Variants in IPPK observed in about 807,000 individuals in gnomAD.
IPPK encodes IPK1 homolog.
A neutral mutation model predicts 64.6 loss-of-function variants in IPPK; 22 were observed. The ratio of observed to expected loss-of-function variants is 0.34; its 90% CI spans 0.24 to 0.49. The LOEUF (loss-of-function observed/expected upper bound fraction) is 0.49, where lower values mean the gene tolerates loss of function less well. IPPK is among the 20% of genes least tolerant of loss of function. IPPK has a pLI of 0.99. For synonymous variants in IPPK, 262 were observed against 247.2 expected, an observed-to-expected ratio of 1.06 and a Z score of -0.56; for missense variants, 532 against 630.7, an observed-to-expected ratio of 0.84 and a Z score of 1.68.
chr9:92,615,614 A>G lies in IPPK; in HGVS notation c.*218T>C. 1 of 533,578 alleles carries G rather than the reference A, an allele frequency of 1.9e-6. No individual in the cohort carries two copies. The highest frequency in any genetic ancestry group is 2.1e-5 in the South Asian group (1 of 47,844). The allele number at this position is 533,578 out of a possible 1,614,324, so 33.1% of individuals were successfully genotyped here. A position where few individuals can be genotyped will look rare whatever the true frequency, so the allele number is the denominator to read the frequency against. Reference sequence around the variant, plus strand: ...CGGACACTTCCATTTTAAGAGTGTGAGCAGCTTCCTGGGACACAGCACTCA... The same window carrying G: ...CGGACACTTCCATTTTAAGAGTGTGGGCAGCTTCCTGGGACACAGCACTCA... On this transcript the variant is annotated 3_prime_UTR_variant, in exon 13 of 13. Transcript: ENST00000287996.
intron 1 of IPPK, among the ~76,000 whole-genome samples, chr9:92,665,689 T>A (rs1271832829): frequency 6.6e-6 from 1 of 152,244 alleles, no homozygotes; most frequent in Non-Finnish European, 1.5e-5. Flanking sequence ...AACCACATCA[T>A]GCATCTTCTT....
chr9:92,633,567 T>C (rs1403193731), intron 11 of IPPK, among the ~76,000 whole-genome samples: 1 of 151,884 alleles, frequency 6.6e-6, no homozygotes, highest in Non-Finnish European at 1.5e-5. Flanking sequence ...CGTCTCACTA[T>C]GTTGACCAGG....
chr9:92,619,514 C>G lies in IPPK; in HGVS notation c.1222G>C (p.Ala408Pro). The G allele has an allele frequency of 6.3e-7, 1 of 1,593,380 alleles. No individual in the cohort carries two copies. The highest frequency in any genetic ancestry group is 8.5e-7 in the Non-Finnish European group (1 of 1,170,390). ...MTAKDCSIMI[A>P]LSPCLQDASS... ...GCATCCTGCAGACAGGGAGACAGTG[C>G]AATCATGATGGAGCAGTCCTTGGCA... The change falls in exon 12 of 13, where the codon GCA (alanine) becomes CCA (proline). Residue 408 changes from alanine (A) to proline (P), a missense_variant. Physicochemically the swap from Ala to Pro is conservative, Grantham distance 27. Coordinates refer to ENST00000287996, the MANE Select transcript of IPPK (RefSeq NM_022755.6).
intron 6 of IPPK, among the ~76,000 whole-genome samples, chr9:92,644,581 T>C (rs1424248626): frequency 6.6e-6 from 1 of 152,194 alleles, no homozygotes; most frequent in Non-Finnish European, 1.5e-5. Context: ...CAGGAGGCCT[T>C]TTCCCCATGG....
chr9:92,618,065 T>C, intron 12 of IPPK: 2 of 355,596 alleles, frequency 5.6e-6, no homozygotes, highest in East Asian at 1.5e-4. Flanking sequence ...CCTTAGTTTG[T>C]CCCTAGGCCT....
Position 92,638,227 on chromosome 9 carries a change from CCA to C in IPPK, c.688_689del (p.Trp230GlufsTer70). On this transcript the variant is annotated frameshift_variant, in exon 9 of 13. Transcript: ENST00000287996. LOFTEE classifies it high-confidence loss of function. ...CKDARSPVAD[W>X]SELAHHLKPF... ...GCTTCAGGTGGTGTGCAAGCTCGCT[CCA>C]GTCAGCCACGGGGCTCCGGGCATCT... The C allele has an allele frequency of 6.2e-7, 1 of 1,614,236 alleles. No homozygotes were observed. Among genetic ancestry groups the C allele is most frequent in the Non-Finnish European group, 8.5e-7 (1 of 1,180,024 alleles).
chr9:92,668,124 T>G (rs544680406), intron 1 of IPPK, among the ~76,000 whole-genome samples: 31 of 150,990 alleles, frequency 2.1e-4, no homozygotes, highest in African/African-American at 6.8e-4. Context: ...AAAAATTAGC[T>G]GGGCACGGTA....
rs559544912 is a variant in IPPK at position 92,655,860 on chromosome 9, G to T, written c.225+596C>A. ...CAACACCCACAGCAGCTGCAGAAGGGTGGGACCCAGGGGCCTGTCCAGGTC... is the reference window on the plus strand; with the variant it reads ...CAACACCCACAGCAGCTGCAGAAGGTTGGGACCCAGGGGCCTGTCCAGGTC... On this transcript the variant is annotated intron_variant, in intron 3 of 12. Coordinates refer to ENST00000287996, the MANE Select transcript of IPPK (RefSeq NM_022755.6). Among the ~76,000 whole-genome samples, 4 of 152,332 alleles carry T rather than the reference G, an allele frequency of 2.6e-5. No homozygotes were observed. The South Asian group carries it at 8.3e-4, about 32-fold the overall frequency.
At chr9:92,660,176 G>A (rs1304702718) in intron 1 of IPPK, among the ~76,000 whole-genome samples, 1 of 152,192 alleles carries the variant, frequency 6.6e-6, no homozygotes, top group Non-Finnish European at 1.5e-5. Context: ...ATGATGGTGT[G>A]TGCTATTCGA....
chr9:92,631,314 G>A (rs1407434891), intron 11 of IPPK, among the ~76,000 whole-genome samples: 1 of 151,158 alleles, frequency 6.6e-6, no homozygotes, highest in Non-Finnish European at 1.5e-5. Context: ...TCCTGCCTCA[G>A]CCTCCCAAGT....
intron 10 of IPPK, among the ~76,000 whole-genome samples, chr9:92,634,948 C>G (rs1851911162): frequency 6.6e-6 from 1 of 152,264 alleles, no homozygotes; most frequent in Non-Finnish European, 1.5e-5. Context: ...GACGTGCTTT[C>G]TTTTCTAGAA....
At chr9:92,647,383 G>A (rs1852168843) in intron 6 of IPPK, among the ~76,000 whole-genome samples, 1 of 152,132 alleles carries the variant, frequency 6.6e-6, no homozygotes, top group African/African-American at 2.4e-5. Context: ...AAAAACTGGA[G>A]AGTGAAAAGA....
chr9:92,656,585 T>C, intron 2 of IPPK, 34 bp from the exon 3 acceptor site: 1 of 1,394,008 alleles, frequency 7.2e-7, no homozygotes, highest in Non-Finnish European at 1.0e-6. Flanking sequence ...GCCTTCGTGA[T>C]GGGACCTCCC....
chr9:92,647,675 A>T (rs886707549), intron 6 of IPPK, among the ~76,000 whole-genome samples: 3 of 151,784 alleles, frequency 2.0e-5, no homozygotes, highest in African/African-American at 7.3e-5. Flanking sequence ...CAGCAACTAG[A>T]TAGAAGTGGT....
intron 1 of IPPK, among the ~76,000 whole-genome samples, chr9:92,669,594 C>A (rs1226278744): frequency 6.6e-6 from 1 of 152,122 alleles, no homozygotes; most frequent in African/African-American, 2.4e-5. Context: ...AGCGCGGCAC[C>A]GACGGGGCGG....
chr9:92,622,450 C>G (rs545016987), intron 11 of IPPK, among the ~76,000 whole-genome samples: 1 of 152,026 alleles, frequency 6.6e-6, no homozygotes, highest in East Asian at 1.9e-4. Flanking sequence ...TTGATGTATG[C>G]AAAGTCAAAA....
chr9:92,632,980 A>C (rs1232655392), intron 11 of IPPK, among the ~76,000 whole-genome samples: 1 of 151,562 alleles, frequency 6.6e-6, no homozygotes, highest in African/African-American at 2.4e-5. Context: ...TTGGCAGCCT[A>C]GTAAAGCCTA....
chr9:92,646,678 C>T (rs1852155911), intron 6 of IPPK, among the ~76,000 whole-genome samples: 1 of 152,124 alleles, frequency 6.6e-6, no homozygotes, highest in Non-Finnish European at 1.5e-5. Flanking sequence ...AAGCTAGAGG[C>T]CGGGCACGGT....
intron 11 of IPPK, among the ~76,000 whole-genome samples, chr9:92,625,802 C>G (rs565377368): frequency 6.6e-6 from 1 of 152,162 alleles, no homozygotes; most frequent in Non-Finnish European, 1.5e-5. Context: ...TCCCTATCCT[C>G]TCTGGAAGAA....
Sources: allele counts gnomAD v4.1 joint callset (sites outside exome capture counted in the v4.1 genomes callset), GRCh38; gene constraint gnomAD v4.1.1; transcripts MANE v1.5; gene names NCBI Gene and HGNC (gene_info 2026-07-23, HGNC 2026-07-21).